Variants in HS3ST4 observed in about 807,000 individuals in gnomAD.
HS3ST4 encodes heparan sulfate-glucosamine 3-sulfotransferase 4.
HS3ST4 carries 17 observed loss-of-function variants against 29.2 expected under a neutral mutation model. That is an observed-to-expected ratio of 0.58 (90% CI 0.40 to 0.87). The LOEUF (loss-of-function observed/expected upper bound fraction) is 0.87, where lower values mean the gene tolerates loss of function less well. Ranked by LOEUF, HS3ST4 falls within the 40% of genes least tolerant of loss-of-function variation. The pLI is 0.00. For missense variants in HS3ST4, 627 were observed against 634.5 expected (o/e 0.99, Z 0.13); for synonymous variants, 314 against 285.7 (o/e 1.10, Z -1.00).
chr16:26,135,740 G>A lies in HS3ST4; in HGVS notation c.863G>A (p.Arg288Lys). 6.2e-7 allele frequency: 1 copy of A among 1,614,114 alleles called. No individual in the cohort carries two copies. Among genetic ancestry groups the A allele is most frequent in the Non-Finnish European group, 8.5e-7 (1 of 1,179,998 alleles). The change falls in exon 2 of 2, where the codon AGA (arginine) becomes AAA (lysine). Residue 288 changes from arginine (R) to lysine (K), a missense_variant. Arg to Lys is a conservative substitution (Grantham distance 26). Coordinates refer to ENST00000331351, the MANE Select transcript of HS3ST4 (RefSeq NM_006040.3). ...AKDIKLIVVV[R>K]NPVTRAISDY... ...GACATCAAACTGATTGTGGTGGTGAGAAACCCCGTGACCAGGGCCATCTCT... is the reference window on the plus strand; with the variant it reads ...GACATCAAACTGATTGTGGTGGTGAAAAACCCCGTGACCAGGGCCATCTCT...
intron 1 of HS3ST4, among the ~76,000 whole-genome samples, chr16:25,779,354 A>AG (rs1207633869): frequency 6.6e-6 from 1 of 152,242 alleles, no homozygotes; most frequent in Non-Finnish European, 1.5e-5. Context: ...AGGCTCAGAG[A>AG]GGTCAAGTGG....
chr16:26,024,082 G>C (rs1203068678), intron 1 of HS3ST4, among the ~76,000 whole-genome samples: 1 of 152,058 alleles, frequency 6.6e-6, no homozygotes, highest in Non-Finnish European at 1.5e-5. Flanking sequence ...AAAATTAGCT[G>C]ATGTGGTGGC....
chr16:25,715,347 C>A (rs1277777574), intron 1 of HS3ST4, among the ~76,000 whole-genome samples: 96 of 127,828 alleles, frequency 7.5e-4, no homozygotes, highest in African/African-American at 2.3e-3. Flanking sequence ...AAAAAAAAAC[C>A]AAAAAAAAAA....
chr16:26,124,727 G>T (rs1899319604), intron 1 of HS3ST4, among the ~76,000 whole-genome samples: 1 of 152,134 alleles, frequency 6.6e-6, no homozygotes, highest in South Asian at 2.1e-4. Context: ...ACATAGCTGT[G>T]GGGGCCTTCT....
chr16:26,115,670 G>T (rs1205493123), intron 1 of HS3ST4, among the ~76,000 whole-genome samples: 1 of 152,096 alleles, frequency 6.6e-6, no homozygotes, highest in African/African-American at 2.4e-5. Flanking sequence ...ACCCAGAGAG[G>T]CTGATGAGGG....
In HS3ST4 at chr16:26,126,856, C is replaced by G. The variant is rs140208864; in HGVS notation, c.735-8756C>G. On this transcript the variant is annotated intron_variant, in intron 1 of 1. Transcript: ENST00000331351. ...GAAGTTAAGAAACCCTAGGTAAGACCTAGATTTTTGAAACATGAAGACCTC... is the reference window on the plus strand; with the variant it reads ...GAAGTTAAGAAACCCTAGGTAAGACGTAGATTTTTGAAACATGAAGACCTC... 4.6e-5 allele frequency among the ~76,000 whole-genome samples: 7 copies of G among 152,098 alleles called. No homozygotes were observed. In the East Asian group the frequency reaches 1.2e-3, roughly 25 times the overall value.
chr16:25,721,616 A>G (rs935129958), intron 1 of HS3ST4, among the ~76,000 whole-genome samples: 1 of 152,174 alleles, frequency 6.6e-6, no homozygotes, highest in Non-Finnish European at 1.5e-5. Context: ...CAGCGTATTT[A>G]TGCACAGACA....
chr16:26,136,003 G>C lies in HS3ST4; in HGVS notation c.1126G>C (p.Gly376Arg), dbSNP rs1392293546. 2.2e-5 allele frequency: 36 copies of C among 1,613,976 alleles called. No individual in the cohort carries two copies. The highest frequency in any genetic ancestry group is 3.1e-5 in the Non-Finnish European group (36 of 1,179,884). The change falls in exon 2 of 2, where the codon GGC (glycine) becomes CGC (arginine). Residue 376 changes from glycine (G) to arginine (R), a missense_variant. Gly to Arg is a moderately radical substitution (Grantham distance 125). Around this residue, in one of 2 missense-constraint regions of HS3ST4, gnomAD observed 225 missense variants for 293.7 expected, o/e 0.77. Coordinates refer to ENST00000331351, the MANE Select transcript of HS3ST4 (RefSeq NM_006040.3). ...AATGGCCAAAGTACAGGATTTTCTAGGCCTCAAACGTGTTGTGACTGAGAA... is the reference window on the plus strand; with the variant it reads ...AATGGCCAAAGTACAGGATTTTCTACGCCTCAAACGTGTTGTGACTGAGAA... ...GEMAKVQDFL[G>R]LKRVVTEKHF... is the part of the protein sequence containing the mutation.
At chr16:26,097,209 T>A (rs368124316) in intron 1 of HS3ST4, among the ~76,000 whole-genome samples, 9,970 of 151,808 alleles carry the variant, frequency 0.066, 377 homozygotes, top group Middle Eastern at 0.13. Context: ...CCAATGACTT[T>A]ATTCACAGAA....
In HS3ST4 at chr16:26,021,897, C is replaced by T. The variant is rs140084380; in HGVS notation, c.735-113715C>T. Among the ~76,000 whole-genome samples the T allele has an allele frequency of 1.6e-3, 245 of 152,088 alleles. 3 individuals carry two copies. The highest frequency in any genetic ancestry group is 3.9e-3 in the Admixed American group (59 of 15,268). ...CAGGCTGGTATTGATCTCCTGACCT[C>T]GTGATCTGCCCACCTTGGCTTCCCA... On this transcript the variant is annotated intron_variant, in intron 1 of 1. Transcript: ENST00000331351.
intron 1 of HS3ST4, among the ~76,000 whole-genome samples, chr16:26,034,600 C>T (rs1244591133): frequency 6.7e-6 from 1 of 149,986 alleles, no homozygotes; most frequent in African/African-American, 2.5e-5. Context: ...AAGACATATT[C>T]TAGTTCATCC....
chr16:25,769,955 T>A (rs1966839815), intron 1 of HS3ST4, among the ~76,000 whole-genome samples: 1 of 152,208 alleles, frequency 6.6e-6, no homozygotes. Context: ...CTTCTCCTCC[T>A]TTCTAGTTCT....
chr16:25,847,941 CTT>C (rs775399181), intron 1 of HS3ST4, among the ~76,000 whole-genome samples: 28 of 152,158 alleles, frequency 1.8e-4, no homozygotes, highest in Admixed American at 7.9e-4. Context: ...TTTTGAGGGT[CTT>C]TACTGCTGGT....
chr16:25,713,122 C>T (rs1966428528), intron 1 of HS3ST4, among the ~76,000 whole-genome samples: 2 of 152,030 alleles, frequency 1.3e-5, no homozygotes, highest in African/African-American at 4.8e-5. Context: ...GGTATGTATA[C>T]ATGTGCCATG....
At chr16:25,890,416 A>G (rs1967996335) in intron 1 of HS3ST4, among the ~76,000 whole-genome samples, 1 of 152,226 alleles carries the variant, frequency 6.6e-6, no homozygotes, top group African/African-American at 2.4e-5. Flanking sequence ...AGACAGAATA[A>G]AAATTGGAGG....
chr16:25,975,765 T>A (rs553059075), intron 1 of HS3ST4, among the ~76,000 whole-genome samples: 1 of 152,322 alleles, frequency 6.6e-6, no homozygotes, highest in African/African-American at 2.4e-5. Flanking sequence ...TCAAATCTCT[T>A]CAAGAGCTTC....
intron 1 of HS3ST4, among the ~76,000 whole-genome samples, chr16:25,889,646 C>CCACG (rs1212187441): frequency 1.3e-5 from 2 of 152,072 alleles, no homozygotes; most frequent in Non-Finnish European, 1.5e-5. Context: ...TAGCAAGGAC[C>CCACG]CACGCTGTTT....
intron 1 of HS3ST4, among the ~76,000 whole-genome samples, chr16:26,067,933 A>G (rs927700269): frequency 5.9e-5 from 9 of 152,122 alleles, no homozygotes; most frequent in Non-Finnish European, 1.5e-5. Context: ...GCCTTCCACC[A>G]TGATTGTGAG....
chr16:25,711,224 T>C (rs988030414), intron 1 of HS3ST4, among the ~76,000 whole-genome samples: 1 of 151,960 alleles, frequency 6.6e-6, no homozygotes, highest in African/African-American at 2.4e-5. Context: ...TCTCAGCACG[T>C]TGGGTAACTT....
Sources: gnomAD v4.1 joint callset for allele counts (sites outside exome capture counted in the v4.1 genomes callset) on GRCh38, gnomAD v4.1.1 for gene constraint, gnomAD v4.1.1 regional missense constraint, MANE v1.5 for transcripts, NCBI Gene and HGNC (gene_info 2026-07-23, HGNC 2026-07-21) for gene names.